Variants in USP2 observed in about 807,000 individuals in gnomAD.
USP2 encodes the protein ubiquitin specific peptidase 2, also known as ubiquitin carboxyl-terminal hydrolase 2.
Under a neutral mutation model 72.0 loss-of-function variants are expected in USP2, and 33 were observed. The observed-to-expected ratio is 0.46, with a 90% CI of 0.35 to 0.61. The LOEUF (loss-of-function observed/expected upper bound fraction) is 0.61. Ranked by LOEUF, USP2 falls within the 20% of genes least tolerant of loss-of-function variation. USP2 has a pLI of 0.01. For missense variants in USP2, 691 were observed against 797.8 expected (o/e 0.87, Z 1.61); for synonymous variants, 296 against 312.5 (o/e 0.95, Z 0.56).
intron 2 of USP2, among the ~76,000 whole-genome samples, chr11:119,361,151 T>C (rs754604036): frequency 2.0e-5 from 3 of 152,240 alleles, no homozygotes; most frequent in Non-Finnish European, 2.9e-5. Flanking sequence ...GAATCCTCCC[T>C]GCCTGGCTCA....
chr11:119,365,179 AGCAGTGTAT>A, intron 2 of USP2, among the ~76,000 whole-genome samples: 1 of 152,200 alleles, frequency 6.6e-6, no homozygotes, highest in East Asian at 1.9e-4. Flanking sequence ...TCCAAGAGGC[AGCAGTGTAT>A]GCTGTTACTC....
At chr11:119,366,980 GGAAA>G (rs1186507815) in intron 2 of USP2, among the ~76,000 whole-genome samples, 1 of 152,174 alleles carries the variant, frequency 6.6e-6, no homozygotes, top group Admixed American at 6.5e-5. Flanking sequence ...TGGGGTTGGG[GGAAA>G]GAATTCACAC....
In USP2 at chr11:119,356,949, G is replaced by A. The variant is rs759703605; in HGVS notation, c.1731-27C>T. On this transcript the variant is annotated intron_variant, in intron 12 of 12. Coordinates refer to ENST00000260187, the MANE Select transcript of USP2 (RefSeq NM_004205.5). ...TGCGGAGAGAGCGGGGAGTCAGCCCGGAGCGGGCAGGACCGGGAGACCCCC... is the reference window on the plus strand; with the variant it reads ...TGCGGAGAGAGCGGGGAGTCAGCCCAGAGCGGGCAGGACCGGGAGACCCCC... The A allele has an allele frequency of 1.2e-5, 19 of 1,549,032 alleles. No homozygotes were observed. In the South Asian group the frequency reaches 2.0e-4, roughly 16 times the overall value.
rs1950728703 is a variant in USP2 at position 119,359,517 on chromosome 11, C to T, written c.949+20G>A. The stretch of plus-strand genomic sequence containing the variant: ...GAGCATCCGGGGGTAGGCAGGGGCA[C>T]ATGACAGAGGGCCTCTCACCTTCCA... On this transcript the variant is annotated intron_variant, in intron 4 of 12. Transcript: ENST00000260187. The T allele has an allele frequency of 6.2e-7, 1 of 1,613,124 alleles. No homozygotes were observed. The highest frequency in any genetic ancestry group is 1.3e-5 in the African/African-American group (1 of 74,876).
At position 119,356,730 on chromosome 11, in the gene USP2, CTT is replaced by C. The variant is rs141226113; in HGVS notation, c.*103_*104del. On this transcript the variant is annotated 3_prime_UTR_variant, in exon 13 of 13. Transcript: ENST00000260187. ...TCGGCAGCTTCAGGTTTGTTTTTCT[CTT>C]GTCAGGTTTGTGTGTTGTTGTTGTT... is the stretch of plus-strand genomic sequence containing the variant. The C allele has an allele frequency of 9.1e-4, 1,121 of 1,228,144 alleles. 6 individuals are homozygous for C. The African/African-American group carries it at 0.015, about 16-fold the overall frequency. 76.1% of individuals were successfully genotyped at this position (1,228,144 alleles called of 1,614,324 possible).
chr11:119,363,449 CA>C (rs1950795639), intron 2 of USP2, among the ~76,000 whole-genome samples: 1 of 152,166 alleles, frequency 6.6e-6, no homozygotes. Flanking sequence ...CCTTTCTGCC[CA>C]GCCTTCCTCG....
intron 2 of USP2, among the ~76,000 whole-genome samples, chr11:119,362,564 GAT>G (rs1346055702): frequency 6.6e-6 from 1 of 152,160 alleles, no homozygotes; most frequent in African/African-American, 2.4e-5. Context: ...TGCCCAGCCA[GAT>G]ATTCTTCTGC....
At position 119,356,354 on chromosome 11, in the gene USP2, C is replaced by G. The variant is rs2135382589; in HGVS notation, c.*481G>C. 6.4e-6 allele frequency: 1 copy of G among 155,888 alleles called. No individual in the cohort carries two copies. Among genetic ancestry groups the G allele is most frequent in the East Asian group, 1.9e-4 (1 of 5,260 alleles). The allele number at this position is 155,888 out of a possible 1,614,324, so 9.7% of individuals were successfully genotyped here. ...TTCGTCTGTCCCCTGGAGTTAGCAG[C>G]GTGAAGAGGGCTCTTGGCTCATGGC... On this transcript the variant is annotated 3_prime_UTR_variant, in exon 13 of 13. Transcript: ENST00000260187.
intron 2 of USP2, 46 bp downstream of exon 2, chr11:119,372,661 G>A (rs1483251467): frequency 5.4e-6 from 8 of 1,490,988 alleles, no homozygotes; most frequent in Non-Finnish European, 7.1e-6. Flanking sequence ...TTCTCCATCA[G>A]TGGCTGCCTC....
chr11:119,356,811 G>A lies in USP2; in HGVS notation c.*24C>T. 6.5e-7 allele frequency: 1 copy of A among 1,547,006 alleles called. No individual in the cohort carries two copies. The highest frequency in any genetic ancestry group is 8.7e-7 in the Non-Finnish European group (1 of 1,144,706). On this transcript the variant is annotated 3_prime_UTR_variant, in exon 13 of 13. Coordinates refer to ENST00000260187, the MANE Select transcript of USP2 (RefSeq NM_004205.5). Reference sequence around the variant, plus strand: ...AGGGAGCGGGGCCACCACGGGGAAGGGAGAAGGGACGTGGCTCCTGGCGCT... The same window carrying A: ...AGGGAGCGGGGCCACCACGGGGAAGAGAGAAGGGACGTGGCTCCTGGCGCT...
chr11:119,376,609 CCCTT>C (rs918592704), intron 1 of USP2, among the ~76,000 whole-genome samples: 2 of 152,280 alleles, frequency 1.3e-5, no homozygotes, highest in African/African-American at 4.8e-5. Context: ...GGTGTCCTGA[CCCTT>C]CCTTCTCTGT....
At chr11:119,372,653 C>A in intron 2 of USP2, 54 bp downstream of exon 2, 1 of 1,483,026 alleles carries the variant, frequency 6.7e-7, no homozygotes, top group Non-Finnish European at 8.9e-7. Context: ...CCTGGCTGTT[C>A]TCCATCAGTG....
At chr11:119,358,289 G>A in intron 7 of USP2, 37 bp from the exon 8 acceptor site, 1 of 1,587,576 alleles carries the variant, frequency 6.3e-7, no homozygotes, top group East Asian at 2.2e-5. Flanking sequence ...TGAAATACAG[G>A]AAGTAGAGCA....
rs748476901 is a variant in USP2, at chr11:119,356,843, G to C, written c.1810C>G (p.Arg604Gly). Residue 604 changes from arginine to glycine, a missense_variant, in exon 13 of 13, where the codon CGA becomes GGA. Coordinates refer to ENST00000260187, the MANE Select transcript of USP2 (RefSeq NM_004205.5). Reference protein sequence around the residue: ...LFYELASPPSRM With the variant: ...LFYELASPPSGM ...GGACGTGGCTCCTGGCGCTACATTC[G>C]GGAGGGCGGGCTGGCCAGTTCGTAG... 1.9e-6 allele frequency: 3 copies of C among 1,563,516 alleles called. No individual in the cohort carries two copies. In the Admixed American group the frequency reaches 5.8e-5, roughly 30 times the overall value.
intron 2 of USP2, among the ~76,000 whole-genome samples, chr11:119,367,455 G>T (rs1950869958): frequency 6.6e-6 from 1 of 152,216 alleles, no homozygotes; most frequent in South Asian, 2.1e-4. Flanking sequence ...TTAAAGCCTG[G>T]CTCCCAGCAT....
chr11:119,376,769 G>T (rs1465457230), intron 1 of USP2, among the ~76,000 whole-genome samples: 2 of 152,280 alleles, frequency 1.3e-5, no homozygotes, highest in African/African-American at 2.4e-5. Context: ...CTCTGAACCA[G>T]GCCCCAGGCA....
chr11:119,368,007 G>A (rs368095903), intron 2 of USP2, among the ~76,000 whole-genome samples: 2 of 152,322 alleles, frequency 1.3e-5, no homozygotes, highest in East Asian at 3.9e-4. Flanking sequence ...GCTGGGCACC[G>A]ATTGAGAAAT....
chr11:119,367,132 ATAGAGGC>A lies in USP2; in HGVS notation c.774+5568_774+5574del, dbSNP rs1288311193. Among the ~76,000 whole-genome samples the A allele has an allele frequency of 5.3e-5, 8 of 152,286 alleles. No individual in the cohort carries two copies. In the East Asian group the frequency reaches 1.5e-3, roughly 29 times the overall value. ...TCTCGGAGTGGGATGGATACAAAGG[ATAGAGGC>A]TTCTGGCATCTGAATCTGGCTCTGG... On this transcript the variant is annotated intron_variant, in intron 2 of 12. Transcript: ENST00000260187.
At chr11:119,362,912 A>G (rs1950785417) in intron 2 of USP2, among the ~76,000 whole-genome samples, 4 of 152,208 alleles carry the variant, frequency 2.6e-5, no homozygotes, top group Admixed American at 2.6e-4. Flanking sequence ...CACCTTCACC[A>G]TCAGCAAATA....
Sources: allele counts gnomAD v4.1 joint callset (sites outside exome capture counted in the v4.1 genomes callset), GRCh38; gene constraint gnomAD v4.1.1; transcripts MANE v1.5; gene names NCBI Gene and HGNC (gene_info 2026-07-23, HGNC 2026-07-21).